CEBPZ: variants seen among roughly 807,000 people sequenced by gnomAD.
CEBPZ encodes CCAAT/enhancer-binding protein zeta.
In CEBPZ, 78 loss-of-function variants were observed where a neutral mutation model predicts 104.5. The observed-to-expected ratio is 0.75, with a 90% CI of 0.62 to 0.90. The LOEUF is 0.90. Among genes scored for constraint, CEBPZ ranks in the 40% least tolerant of loss-of-function variants. The probability of loss-of-function intolerance (pLI) is 0.00; values close to 1 mark genes in which losing one functional copy is unlikely to be tolerated. For synonymous variants in CEBPZ, 470 were observed against 427.0 expected (o/e 1.10, Z -1.24); for missense variants, 1,439 against 1,233.5 (o/e 1.17, Z -2.50).
chr2:37,202,676 AAAAAAAAAAAAAAAAAGAAT>A, intron 15 of CEBPZ, 88 bp downstream of exon 15: 2 of 213,628 alleles, frequency 9.4e-6, no homozygotes, highest in Non-Finnish European at 1.7e-5. Flanking sequence ...AAAAAAAAAA[AAAAAAAAAAAAAAAAAGAAT>A]AAATAAAATA....
chr2:37,208,652 G>T (rs905401850), intron 13 of CEBPZ, among the ~76,000 whole-genome samples: 8 of 152,016 alleles, frequency 5.3e-5, no homozygotes, highest in African/African-American at 1.9e-4. Context: ...TAAAAGTAAT[G>T]AAAGCCATCT....
rs777724680 is a variant in CEBPZ at position 37,228,326 on chromosome 2, G to C, written c.867C>G (p.Phe289Leu). ...AAAGGTCTGTGATAAGCAACTCTTT[G>C]AAAGTATCCAAGGCCATAAGGCACT... ...KQQCLMALDT[F>L]KELLITDLLP... The change falls in exon 2 of 16, where the codon TTC (phenylalanine) becomes TTG (leucine). Residue 289 changes from phenylalanine (F) to leucine (L), a missense_variant. Transcript: ENST00000234170. The C allele has an allele frequency of 3.5e-5, 56 of 1,614,020 alleles. No individual in the cohort carries two copies. The South Asian group carries it at 5.2e-4, about 15-fold the overall frequency.
Position 37,228,533 on chromosome 2 carries a change from G to A in CEBPZ, c.660C>T (p.Phe220=). ...CCTTTTGACTATTCGTCTTACTTTTGAATAAGTTGATTTCATGCTGATACA... is the reference window on the plus strand; with the variant it reads ...CCTTTTGACTATTCGTCTTACTTTTAAATAAGTTGATTTCATGCTGATACA... ...QKLYQHEINL[F]KSKTNSQKGA... The change falls in exon 2 of 16, where the codon TTC becomes TTT. Residue 220 remains phenylalanine (F), a synonymous_variant. Coordinates refer to ENST00000234170, the MANE Select transcript of CEBPZ (RefSeq NM_005760.3). 1.2e-6 allele frequency: 2 copies of A among 1,614,136 alleles called. No homozygotes were observed. Among genetic ancestry groups the A allele is most frequent in the Non-Finnish European group, 1.7e-6 (2 of 1,180,028 alleles).
At chr2:37,206,770 G>A (rs1677553198) in intron 13 of CEBPZ, among the ~76,000 whole-genome samples, 1 of 152,100 alleles carries the variant, frequency 6.6e-6, no homozygotes, top group African/African-American at 2.4e-5. Flanking sequence ...CAAAATCAAA[G>A]TATTCAAGCA....
At chr2:37,226,057 T>C (rs1397462908) in intron 2 of CEBPZ, among the ~76,000 whole-genome samples, 3 of 151,050 alleles carry the variant, frequency 2.0e-5, no homozygotes, top group Admixed American at 6.6e-5. Context: ...CTCCCCACAA[T>C]TGTCTTGTGA....
chr2:37,226,637 A>C (rs1456948750), intron 2 of CEBPZ, among the ~76,000 whole-genome samples: 1 of 152,230 alleles, frequency 6.6e-6, no homozygotes, highest in African/African-American at 2.4e-5. Context: ...TAATTTGCCC[A>C]AAATTACACA....
At chr2:37,207,330 C>A (rs978367264) in intron 13 of CEBPZ, among the ~76,000 whole-genome samples, 3 of 152,162 alleles carry the variant, frequency 2.0e-5, no homozygotes, top group African/African-American at 7.2e-5. Context: ...GAACATTCTA[C>A]CCAAAAACTG....
chr2:37,226,338 A>C (rs969770540), intron 2 of CEBPZ, among the ~76,000 whole-genome samples: 2 of 152,232 alleles, frequency 1.3e-5, no homozygotes, highest in Admixed American at 1.3e-4. Flanking sequence ...ATGGATGACT[A>C]TCAGTAATAA....
intron 9 of CEBPZ, among the ~76,000 whole-genome samples, 199 bp downstream of exon 9, chr2:37,214,686 CT>C (rs1236063272): frequency 6.6e-6 from 1 of 152,064 alleles, no homozygotes; most frequent in Non-Finnish European, 1.5e-5. Context: ...ATCCTTTGAT[CT>C]TTTCAAAATA....
rs751120742 is a variant in CEBPZ at position 37,223,163 on chromosome 2, A to T, written c.1881+7T>A. The T allele has an allele frequency of 6.2e-7, 1 of 1,607,494 alleles. No individual in the cohort carries two copies. Among genetic ancestry groups the T allele is most frequent in the Admixed American group, 1.7e-5 (1 of 59,376 alleles). ...CACTCAATTTAAAAAGCAGTTGTAA[A>T]ATATACCGGATGATCATCTAGTTGG... On this transcript the variant is annotated splice_region_variant and intron_variant, in intron 3 of 15. Coordinates refer to ENST00000234170, the MANE Select transcript of CEBPZ (RefSeq NM_005760.3).
At chr2:37,227,441 C>A (rs186094277) in intron 2 of CEBPZ, 103 bp downstream of exon 2, 2 of 1,314,374 alleles carry the variant, frequency 1.5e-6, no homozygotes, top group African/African-American at 3.0e-5. Flanking sequence ...GGGCCTAAAA[C>A]CAAATTTTCT....
In CEBPZ at chr2:37,202,854, T is replaced by C. The variant is rs200158688; in HGVS notation, c.2955A>G (p.Leu985=). The change falls in exon 15 of 16, where the codon CTA becomes CTG. Residue 985 remains leucine (L), a synonymous_variant. Transcript: ENST00000234170. ...LFVSAEEFGH[L]LDENMGSKFD... ...ACTTGGATCCCATATTTTCATCCAA[T>C]AGATGGCCAAACTTTTAAACAAAAA... 15 of 1,601,664 alleles carry C rather than the reference T, an allele frequency of 9.4e-6. No homozygotes were observed. Among genetic ancestry groups the C allele is most frequent in the East Asian group, 4.5e-5 (2 of 44,352 alleles).
At chr2:37,229,318 A>C (rs768434226) in intron 1 of CEBPZ, among the ~76,000 whole-genome samples, 1 of 152,200 alleles carries the variant, frequency 6.6e-6, no homozygotes, top group Non-Finnish European at 1.5e-5. Context: ...TATCAAAGTA[A>C]TTGGGTTTAA....
chr2:37,226,382 G>T (rs1324410039), intron 2 of CEBPZ, among the ~76,000 whole-genome samples: 1 of 152,164 alleles, frequency 6.6e-6, no homozygotes, highest in East Asian at 1.9e-4. Context: ...AGCACTAAGT[G>T]TTAGGCACTG....
chr2:37,222,350 C>G (rs765580008), intron 4 of CEBPZ, 30 bp downstream of exon 4: 16 of 1,510,526 alleles, frequency 1.1e-5, no homozygotes, highest in Non-Finnish European at 1.3e-5. Flanking sequence ...GAAACAAACT[C>G]CCTAGAGAAT....
chr2:37,220,716 T>A (rs1359764857), intron 4 of CEBPZ, among the ~76,000 whole-genome samples: 1 of 152,172 alleles, frequency 6.6e-6, no homozygotes, highest in Non-Finnish European at 1.5e-5. Flanking sequence ...CAAGGCCAGG[T>A]GCAGTGGCTC....
At chr2:37,226,407 TACATAG>T (rs1281808857) in intron 2 of CEBPZ, among the ~76,000 whole-genome samples, 1 of 152,188 alleles carries the variant, frequency 6.6e-6, no homozygotes, top group Non-Finnish European at 1.5e-5. Flanking sequence ...GCACTTAATA[TACATAG>T]AAAGATTACA....
intron 3 of CEBPZ, 138 bp from the exon 4 acceptor site, chr2:37,222,701 G>T: frequency 1.8e-6 from 1 of 564,388 alleles, no homozygotes; most frequent in South Asian, 2.8e-5. Flanking sequence ...TAAAATGATG[G>T]CTATCAATGG....
intron 5 of CEBPZ, 28 bp from the exon 6 acceptor site, chr2:37,217,065 A>C (rs111939746): frequency 9.5e-6 from 15 of 1,583,202 alleles, no homozygotes; most frequent in Non-Finnish European, 1.2e-5. Context: ...AATAATATCA[A>C]TATTTCTAAG....
Sources: allele counts gnomAD v4.1 joint callset (sites outside exome capture counted in the v4.1 genomes callset), GRCh38; gene constraint gnomAD v4.1.1; transcripts MANE v1.5; gene names NCBI Gene and HGNC (gene_info 2026-07-23, HGNC 2026-07-21).